ALPK3: variants seen among roughly 807,000 people sequenced by gnomAD.
ALPK3 encodes the protein alpha kinase 3, also known as alpha-protein kinase 3.
ALPK3 carries 102 observed loss-of-function variants against 140.0 expected under a neutral mutation model. The ratio of observed to expected loss-of-function variants is 0.73; its 90% CI spans 0.62 to 0.86. The LOEUF is 0.86. Among genes scored for constraint, ALPK3 ranks in the 40% least tolerant of loss-of-function variants. ALPK3 has a pLI of 0.00. For synonymous variants in ALPK3, 938 were observed against 898.5 expected (o/e 1.04, Z -0.79); for missense variants, 2,254 against 2,208.2 (o/e 1.02, Z -0.42).
chr15:84,856,301 AG>A, intron 5 of ALPK3, 90 bp from the exon 6 acceptor site: 1 of 1,506,088 alleles, frequency 6.6e-7, no homozygotes, highest in Non-Finnish European at 8.9e-7. Flanking sequence ...GAGCAGTTGT[AG>A]ATGAGGTCCG....
rs746835641 is a variant in ALPK3 at position 84,858,010 on chromosome 15, G to C, written c.3272G>C (p.Gly1091Ala). 1.3e-6 allele frequency: 2 copies of C among 1,590,744 alleles called. No homozygotes were observed. The highest frequency in any genetic ancestry group is 2.7e-5 in the African/African-American group (2 of 74,246). The change falls in exon 6 of 14, where the codon GGT becomes GCT. Residue 1091 changes from glycine (G) to alanine (A), a missense_variant. Physicochemically the swap from Gly to Ala is moderately conservative, Grantham distance 60. Around this residue, in one of 3 missense-constraint regions of ALPK3, gnomAD observed 2,088 missense variants for 2,022.9 expected, o/e 1.03. Transcript: ENST00000258888. ...CTGGCCTCAGAAGGAGCCAGTGAGG[G>C]TGAAGGAGAGGTTTCCCCTGAGGGG... is the stretch of plus-strand genomic sequence containing the variant. ...PGLASEGASE[G>A]EGEVSPEGPG... is the part of the protein sequence containing the mutation.
At chr15:84,855,983 A>G (rs1255196342) in intron 5 of ALPK3, among the ~76,000 whole-genome samples, 3 of 152,158 alleles carry the variant, frequency 2.0e-5, no homozygotes, top group Non-Finnish European at 4.4e-5. Flanking sequence ...CCATAATTCT[A>G]TCCAAGGCAA....
rs547521144 is a variant in ALPK3, at chr15:84,839,248, G to C, written c.422+151G>C. On this transcript the variant is annotated intron_variant, in intron 4 of 13. Coordinates refer to ENST00000258888, the MANE Select transcript of ALPK3 (RefSeq NM_020778.5). ...ATTCTGCTGTGTGGTTGAACCACCT[G>C]GTGAACCACATCTGCCTTCCGGTGT... 19 of 685,962 alleles carry C rather than the reference G, an allele frequency of 2.8e-5. No individual in the cohort carries two copies. In the African/African-American group the frequency reaches 2.9e-4, roughly 10 times the overall value. 42.5% of individuals were successfully genotyped at this position (685,962 alleles called of 1,614,324 possible).
rs372302640 is a variant in ALPK3 at position 84,853,812 on chromosome 15, C to T, written c.1654-2580C>T. On this transcript the variant is annotated intron_variant, in intron 5 of 13. Transcript: ENST00000258888. Reference sequence around the variant, plus strand: ...TTCAGTCAGACTTATTCCTGATATTCGCCAAACTCTAATGTTTCCCACATC... The same window carrying T: ...TTCAGTCAGACTTATTCCTGATATTTGCCAAACTCTAATGTTTCCCACATC... 3.3e-5 allele frequency among the ~76,000 whole-genome samples: 5 copies of T among 151,852 alleles called. No individual in the cohort carries two copies. In the East Asian group the frequency reaches 7.7e-4, roughly 23 times the overall value.
chr15:84,832,980 A>C (rs1019600837), intron 3 of ALPK3, among the ~76,000 whole-genome samples: 7 of 152,194 alleles, frequency 4.6e-5, no homozygotes, highest in Non-Finnish European at 7.3e-5. Context: ...GTATTTTATC[A>C]AATACTCCCA....
chr15:84,858,657 C>T (rs2141569747), intron 6 of ALPK3, 102 bp downstream of exon 6: 2 of 1,429,118 alleles, frequency 1.4e-6, no homozygotes, highest in Non-Finnish European at 1.8e-6. Flanking sequence ...ATAGCATATC[C>T]CTCCTCGGGA....
intron 2 of ALPK3, among the ~76,000 whole-genome samples, chr15:84,824,499 G>A (rs1963463261): frequency 1.3e-5 from 2 of 152,202 alleles, no homozygotes; most frequent in South Asian, 4.1e-4. Flanking sequence ...TAGCTAACTG[G>A]TTTCTAAATA....
At position 84,869,330 on chromosome 15, in the gene ALPK3, G is replaced by A. The variant is rs1228550263; in HGVS notation, c.*874G>A. Reference sequence around the variant, plus strand: ...TTCTCTCGGGCTCTTTGCTCATGAGGTGAGAGCTGGTGTGAGGGTTGTGTC... The same window carrying A: ...TTCTCTCGGGCTCTTTGCTCATGAGATGAGAGCTGGTGTGAGGGTTGTGTC... On this transcript the variant is annotated 3_prime_UTR_variant, in exon 14 of 14. Coordinates refer to ENST00000258888, the MANE Select transcript of ALPK3 (RefSeq NM_020778.5). 6.6e-6 allele frequency: 1 copy of A among 152,374 alleles called. No homozygotes were observed. The highest frequency in any genetic ancestry group is 1.5e-5 in the Non-Finnish European group (1 of 68,154). The allele number at this position is 152,374 out of a possible 1,614,324, so 9.4% of individuals were successfully genotyped here.
At chr15:84,849,983 C>G (rs1963782845) in intron 5 of ALPK3, among the ~76,000 whole-genome samples, 1 of 141,924 alleles carries the variant, frequency 7.0e-6, no homozygotes. Context: ...TATCAATAAA[C>G]TTCTGGCAAG....
At chr15:84,822,560 A>C (rs1224113883) in intron 1 of ALPK3, among the ~76,000 whole-genome samples, 1 of 152,146 alleles carries the variant, frequency 6.6e-6, no homozygotes, top group African/African-American at 2.4e-5. Context: ...CCAGGTCCCC[A>C]CTGGAGATTT....
Position 84,840,360 on chromosome 15 carries a change from G to T in ALPK3, c.1081G>T (p.Val361Leu). Reference protein sequence around the residue: ...EPDSCGTQGPVGVEQVQTQPR... With the variant: ...EPDSCGTQGPLGVEQVQTQPR... ...TGACTCCTGTGGGACTCAGGGGCCC[G>T]TGGGCGTGGAGCAGGTTCAGACCCA... The change falls in exon 5 of 14, where the codon GTG becomes TTG. Residue 361 changes from valine (V) to leucine (L), a missense_variant. Physicochemically the swap from Val to Leu is conservative, Grantham distance 32. Transcript: ENST00000258888. 2 of 1,613,508 alleles carry T rather than the reference G, an allele frequency of 1.2e-6. No individual in the cohort carries two copies. Among genetic ancestry groups the T allele is most frequent in the South Asian group, 2.2e-5 (2 of 90,998 alleles).
chr15:84,833,144 A>G (rs1243469268), intron 3 of ALPK3, among the ~76,000 whole-genome samples: 1 of 152,186 alleles, frequency 6.6e-6, no homozygotes, highest in African/African-American at 2.4e-5. Flanking sequence ...TGTGTATATC[A>G]TAGCACTTAC....
rs115301935 is a variant in ALPK3 at position 84,856,475 on chromosome 15, C to T, written c.1737C>T (p.Ser579=). ...SDVASIGVST[S]GSQGIIEPMD... is the part of the protein sequence containing the mutation. ...TAGCCTCCATTGGGGTTAGCACTTCCGGAAGTCAAGGTATCATTGAACCCA... is the reference window on the plus strand; with the variant it reads ...TAGCCTCCATTGGGGTTAGCACTTCTGGAAGTCAAGGTATCATTGAACCCA... Residue 579 remains serine, a synonymous_variant, in exon 6 of 14, where the codon TCC becomes TCT. Coordinates refer to ENST00000258888, the MANE Select transcript of ALPK3 (RefSeq NM_020778.5). 1,181 of 1,614,128 alleles carry T rather than the reference C, an allele frequency of 7.3e-4. 12 individuals carry two copies. The highest frequency in any genetic ancestry group is 6.2e-3 in the South Asian group (564 of 91,064).
In ALPK3 at chr15:84,872,995, T is replaced by C. The variant is rs1964091819; in HGVS notation, c.*4539T>C. 1 of 152,222 alleles carries C rather than the reference T, an allele frequency of 6.6e-6. No individual in the cohort carries two copies. Among genetic ancestry groups the C allele is most frequent in the East Asian group, 1.9e-4 (1 of 5,196 alleles). 9.4% of individuals were successfully genotyped at this position (152,222 alleles called of 1,614,324 possible). ...CCATATCTTAGGGGCGTCTGGCCTT[T>C]TTCATTCCTGGGACCCACAGCTCGA... On this transcript the variant is annotated 3_prime_UTR_variant, in exon 14 of 14. Transcript: ENST00000258888.
In ALPK3 at chr15:84,857,215, C is replaced by T. The variant is rs775305251; in HGVS notation, c.2477C>T (p.Pro826Leu). 3.0e-5 allele frequency: 48 copies of T among 1,613,870 alleles called. No individual in the cohort carries two copies. Among genetic ancestry groups the T allele is most frequent in the Non-Finnish European group, 4.0e-5 (47 of 1,179,950 alleles). The change falls in exon 6 of 14, where the codon CCA becomes CTA. Residue 826 changes from proline to leucine, a missense_variant. This residue lies in a region of ALPK3 where 2,088 missense variants were observed against 2,022.9 expected (regional missense o/e 1.03). Coordinates refer to ENST00000258888, the MANE Select transcript of ALPK3 (RefSeq NM_020778.5). ...ERCRGPQSSG[P>L]VEAKQEDSPF... ...TGCCGAGGGCCACAGTCATCAGGCC[C>T]AGTCGAGGCCAAGCAGGAGGACAGC...
chr15:84,840,868 G>T lies in ALPK3; in HGVS notation c.1589G>T (p.Arg530Leu), dbSNP rs150733634. The change falls in exon 5 of 14, where the codon CGG (arginine) becomes CTG (leucine). Residue 530 changes from arginine (R) to leucine (L), a missense_variant. By Grantham distance (102) the Arg-to-Leu change is moderately radical (BLOSUM62 -2). This residue lies in a region of ALPK3 where 2,088 missense variants were observed against 2,022.9 expected (regional missense o/e 1.03). Transcript: ENST00000258888. ...GTGCAGGTGCCGACGCCCCCTGCCC[G>T]GCGGAGACATGGCACCCGGGACAGC... Reference protein sequence around the residue: ...ASVQVPTPPARRRHGTRDSTL... With the variant: ...ASVQVPTPPALRRHGTRDSTL... 3.1e-6 allele frequency: 5 copies of T among 1,613,776 alleles called. No homozygotes were observed. Among genetic ancestry groups the T allele is most frequent in the Admixed American group, 1.7e-5 (1 of 59,946 alleles).
At chr15:84,842,805 T>C (rs1423640965) in intron 5 of ALPK3, among the ~76,000 whole-genome samples, 1 of 152,216 alleles carries the variant, frequency 6.6e-6, no homozygotes, top group African/African-American at 2.4e-5. Context: ...GTCCCCCTCA[T>C]GCCTGGTCTC....
At position 84,859,402 on chromosome 15, in the gene ALPK3, A is replaced by C; in HGVS notation, c.3965+12A>C. On this transcript the variant is annotated intron_variant, in intron 7 of 13. Coordinates refer to ENST00000258888, the MANE Select transcript of ALPK3 (RefSeq NM_020778.5). ...GAGGTGGGCAGGAGGTAAGCCAACG[A>C]CACCACTGCCACCTGACCTGGCTCC... is the stretch of plus-strand genomic sequence containing the variant. The C allele has an allele frequency of 5.6e-6, 9 of 1,613,780 alleles. No individual in the cohort carries two copies. Among genetic ancestry groups the C allele is most frequent in the Non-Finnish European group, 7.6e-6 (9 of 1,179,840 alleles).
rs1963375018 is a variant in ALPK3 at position 84,817,559 on chromosome 15, G to A, written c.107G>A (p.Ser36Asn). 6.7e-7 allele frequency: 1 copy of A among 1,503,014 alleles called. No homozygotes were observed. The highest frequency in any genetic ancestry group is 1.4e-5 in the African/African-American group (1 of 69,180). The allele number at this position is 1,503,014 out of a possible 1,614,324, so 93.1% of individuals were successfully genotyped here. A position where few individuals can be genotyped will look rare whatever the true frequency, so the allele number is the denominator to read the frequency against. ...DGPVWIPSPASRSYLLSVRPE... is the reference protein window; with the variant it reads ...DGPVWIPSPANRSYLLSVRPE... ...CCCGTGTGGATCCCCAGCCCAGCCA[G>A]CCGGAGCTACCTGCTCAGCGTGCGG... Residue 36 changes from serine to asparagine, a missense_variant, in exon 1 of 14, where the codon AGC becomes AAC. This residue lies in a region of ALPK3 where 2,088 missense variants were observed against 2,022.9 expected (regional missense o/e 1.03). Coordinates refer to ENST00000258888, the MANE Select transcript of ALPK3 (RefSeq NM_020778.5).
Sources: allele counts gnomAD v4.1 joint callset (sites outside exome capture counted in the v4.1 genomes callset), GRCh38; gene constraint gnomAD v4.1.1; regional missense constraint gnomAD v4.1.1; transcripts MANE v1.5; gene names NCBI Gene and HGNC (gene_info 2026-07-23, HGNC 2026-07-21).